COMMD10: variants seen among roughly 807,000 people sequenced by gnomAD.
The protein encoded by COMMD10 is COMM domain containing 10.
A neutral mutation model predicts 28.9 loss-of-function variants in COMMD10; 33 were observed. The observed-to-expected ratio is 1.14, with a 90% CI of 0.87 to 1.53. The LOEUF (loss-of-function observed/expected upper bound fraction) is 1.53. Among genes scored for constraint, COMMD10 ranks in the 40% most tolerant of loss-of-function variants. COMMD10 has a pLI of 0.00. For synonymous variants in COMMD10, 110 were observed against 81.7 expected, an observed-to-expected ratio of 1.35 and a Z score of -1.87; for missense variants, 310 against 233.4, an observed-to-expected ratio of 1.33 and a Z score of -2.14.
intron 5 of COMMD10, among the ~76,000 whole-genome samples, chr5:116,277,206 T>C (rs764440806): frequency 9.2e-5 from 14 of 151,844 alleles, no homozygotes; most frequent in Non-Finnish European, 1.9e-4. Context: ...AATAGACATA[T>C]TTCAAACATA....
At chr5:116,182,419 G>T (rs536719999) in intron 5 of COMMD10, among the ~76,000 whole-genome samples, 1 of 151,982 alleles carries the variant, frequency 6.6e-6, no homozygotes, top group South Asian at 2.1e-4. Flanking sequence ...TGGGGGGTGG[G>T]TGTCAGTGAG....
intron 5 of COMMD10, among the ~76,000 whole-genome samples, chr5:116,239,305 G>C (rs1252758894): frequency 2.0e-5 from 3 of 152,094 alleles, no homozygotes; most frequent in Non-Finnish European, 4.4e-5. Context: ...TCAGAACTTT[G>C]ATTTCTCTTC....
In COMMD10 at chr5:116,250,309, T is replaced by A. The variant is rs1580582628; in HGVS notation, c.511-41208T>A. Reference sequence around the variant, plus strand: ...ATTTGGTATAGTAATAATAACGTGTTATCTTTCAGGTATAATTTTCAATTC... The same window carrying A: ...ATTTGGTATAGTAATAATAACGTGTAATCTTTCAGGTATAATTTTCAATTC... On this transcript the variant is annotated intron_variant, in intron 5 of 6. Coordinates refer to ENST00000274458, the MANE Select transcript of COMMD10 (RefSeq NM_016144.4). Among the ~76,000 whole-genome samples, 4 of 152,022 alleles carry A rather than the reference T, an allele frequency of 2.6e-5. No homozygotes were observed. The East Asian group carries it at 7.7e-4, about 29-fold the overall frequency.
intron 5 of COMMD10, among the ~76,000 whole-genome samples, chr5:116,238,324 A>G (rs771408120): frequency 1.8e-4 from 28 of 152,322 alleles, no homozygotes; most frequent in Non-Finnish European, 3.8e-4. Flanking sequence ...AGAGTTTTTC[A>G]TGATTAATGG....
At chr5:116,287,435 TC>T (rs1751247496) in intron 5 of COMMD10, among the ~76,000 whole-genome samples, 1 of 151,832 alleles carries the variant, frequency 6.6e-6, no homozygotes, top group Non-Finnish European at 1.5e-5. Context: ...GATATCTTTT[TC>T]CATCCTTTCA....
At chr5:116,265,922 T>A (rs890202410) in intron 5 of COMMD10, among the ~76,000 whole-genome samples, 1 of 151,670 alleles carries the variant, frequency 6.6e-6, no homozygotes, top group East Asian at 1.9e-4. Context: ...ACTAGAAAAG[T>A]GGTAATACAT....
chr5:116,241,420 C>A (rs1339527031), intron 5 of COMMD10, among the ~76,000 whole-genome samples: 2 of 152,062 alleles, frequency 1.3e-5, no homozygotes, highest in Non-Finnish European at 2.9e-5. Flanking sequence ...ACCATAAAAT[C>A]TGCATACTCT....
At position 116,245,275 on chromosome 5, in the gene COMMD10, A is replaced by G. The variant is rs908412960; in HGVS notation, c.511-46242A>G. On this transcript the variant is annotated intron_variant, in intron 5 of 6. Transcript: ENST00000274458. ...AATGGATAAATTCCTCAACACAGCT[A>G]CCCTCCCAAGAGTGAACCAGGAAGA... is the stretch of plus-strand genomic sequence containing the variant. Among the ~76,000 whole-genome samples, 3 of 152,056 alleles carry G rather than the reference A, an allele frequency of 2.0e-5. 1 individual carries two copies. Among genetic ancestry groups the G allele is most frequent in the Admixed American group, 6.6e-5 (1 of 15,242 alleles).
intron 5 of COMMD10, among the ~76,000 whole-genome samples, chr5:116,247,903 G>A (rs1749995429): frequency 6.6e-6 from 1 of 151,874 alleles, no homozygotes; most frequent in Non-Finnish European, 1.5e-5. Flanking sequence ...CTGTACAACA[G>A]ATCCCCATGA....
intron 5 of COMMD10, among the ~76,000 whole-genome samples, chr5:116,149,438 T>A (rs1166095286): frequency 6.7e-6 from 1 of 148,484 alleles, no homozygotes; most frequent in Non-Finnish European, 1.5e-5. Flanking sequence ...CACACAGACT[T>A]CCACAATGGT....
At chr5:116,162,381 G>A (rs1752946520) in intron 5 of COMMD10, among the ~76,000 whole-genome samples, 1 of 151,774 alleles carries the variant, frequency 6.6e-6, no homozygotes, top group South Asian at 2.1e-4. Flanking sequence ...AATCTTTTTT[G>A]CTATAAACAG....
At chr5:116,268,428 A>T (rs912942359) in intron 5 of COMMD10, among the ~76,000 whole-genome samples, 16 of 151,848 alleles carry the variant, frequency 1.1e-4, no homozygotes, top group Non-Finnish European at 1.2e-4. Flanking sequence ...TTAGAATGGC[A>T]ATCATTAAAA....
At chr5:116,195,680 C>T (rs1362793375) in intron 5 of COMMD10, among the ~76,000 whole-genome samples, 6 of 152,064 alleles carry the variant, frequency 3.9e-5, no homozygotes, top group Non-Finnish European at 7.4e-5. Context: ...CAAATGGAAG[C>T]ACATCCCATG....
intron 5 of COMMD10, among the ~76,000 whole-genome samples, chr5:116,145,208 A>T (rs1263237773): frequency 2.6e-5 from 4 of 151,880 alleles, no homozygotes; most frequent in Non-Finnish European, 5.9e-5. Flanking sequence ...GATATTGGAC[A>T]ATTGAACAAA....
chr5:116,123,878 T>A (rs1344650749), intron 4 of COMMD10, among the ~76,000 whole-genome samples: 1 of 152,174 alleles, frequency 6.6e-6, no homozygotes, highest in Non-Finnish European at 1.5e-5. Context: ...TAGTATTCTC[T>A]GATGGTAGTT....
intron 5 of COMMD10, among the ~76,000 whole-genome samples, chr5:116,173,199 T>C (rs1263363141): frequency 6.6e-6 from 1 of 152,072 alleles, no homozygotes; most frequent in Non-Finnish European, 1.5e-5. Flanking sequence ...AGTTTACAAA[T>C]GAAAAAAATT....
chr5:116,087,395 T>C, intron 1 of COMMD10, 102 bp from the exon 2 acceptor site: 2 of 723,182 alleles, frequency 2.8e-6, no homozygotes, highest in Middle Eastern at 2.6e-4. Flanking sequence ...ATTTACCATA[T>C]AGCATTCAGA....
At chr5:116,114,306 G>A (rs1751158901) in intron 4 of COMMD10, among the ~76,000 whole-genome samples, 1 of 152,112 alleles carries the variant, frequency 6.6e-6, no homozygotes, top group African/African-American at 2.4e-5. Flanking sequence ...CTGGGCAAGT[G>A]AGTGGGCTCA....
At chr5:116,150,892 A>T (rs986460745) in intron 5 of COMMD10, among the ~76,000 whole-genome samples, 6 of 150,952 alleles carry the variant, frequency 4.0e-5, no homozygotes, top group African/African-American at 1.2e-4. Flanking sequence ...TTCCAACACT[A>T]TGTTGAATAG....
Sources: allele counts gnomAD v4.1 joint callset (sites outside exome capture counted in the v4.1 genomes callset), GRCh38; gene constraint gnomAD v4.1.1; transcripts MANE v1.5; gene names NCBI Gene and HGNC (gene_info 2026-07-23, HGNC 2026-07-21).